DBNDD1: variants seen among roughly 807,000 people sequenced by gnomAD.
The protein encoded by DBNDD1 is dysbindin domain containing 1, also known as dysbindin domain-containing protein 1.
A neutral mutation model predicts 17.0 loss-of-function variants in DBNDD1; 14 were observed. That is an observed-to-expected ratio of 0.82 (90% CI 0.54 to 1.29). The LOEUF (loss-of-function observed/expected upper bound fraction) is 1.29. Ranked by LOEUF, DBNDD1 falls within the 50% of genes most tolerant of loss-of-function variation. The pLI is 0.00. For missense variants in DBNDD1, 221 were observed against 216.2 expected (o/e 1.02, Z -0.14); for synonymous variants, 105 against 102.0 (o/e 1.03, Z -0.18).
rs577495776 is a variant in DBNDD1, at chr16:90,006,225, C to T, written c.*110G>A. 1.9e-4 allele frequency: 271 copies of T among 1,408,952 alleles called. No individual in the cohort carries two copies. The highest frequency in any genetic ancestry group is 2.6e-4 in the African/African-American group (18 of 70,538). The allele number at this position is 1,408,952 out of a possible 1,614,324, so 87.3% of individuals were successfully genotyped here. A position where few individuals can be genotyped will look rare whatever the true frequency, so the allele number is the denominator to read the frequency against. On this transcript the variant is annotated 3_prime_UTR_variant, in exon 4 of 4. Coordinates refer to ENST00000002501, the MANE Select transcript of DBNDD1 (RefSeq NM_001042610.3). ...CCCCAGGGTGTGTGTCAGGAGGTGA[C>T]GGCTGGAGCCTCGTGGGCGGGTGAA...
intron 1 of DBNDD1, chr16:90,010,177 A>G (rs1005993003): frequency 3.8e-6 from 3 of 783,216 alleles, no homozygotes; most frequent in Non-Finnish European, 6.1e-6. Context: ...CCCTGAGTAG[A>G]TGGGATTACA....
At chr16:90,009,665 G>A in intron 1 of DBNDD1, 2 of 647,586 alleles carry the variant, frequency 3.1e-6, no homozygotes, top group Non-Finnish European at 2.6e-6. Flanking sequence ...AGTGAACAAG[G>A]AATCTGAGAT....
At position 90,005,699 on chromosome 16, in the gene DBNDD1, G is replaced by C. The variant is rs2035408990; in HGVS notation, c.*636C>G. On this transcript the variant is annotated 3_prime_UTR_variant, in exon 4 of 4. Transcript: ENST00000002501. ...GCAGGGGCCAAGAGAAGCAGGTGCA[G>C]GTCTTAGAGCTGAGCCTTGGGGAGG... is the stretch of plus-strand genomic sequence containing the variant. 1 of 152,764 alleles carries C rather than the reference G, an allele frequency of 6.5e-6. No individual in the cohort carries two copies. The highest frequency in any genetic ancestry group is 2.1e-4 in the South Asian group (1 of 4,842). The allele number at this position is 152,764 out of a possible 1,614,324, so 9.5% of individuals were successfully genotyped here.
intron 1 of DBNDD1, chr16:90,011,739 G>A (rs1368435952): frequency 1.1e-5 from 5 of 448,006 alleles, no homozygotes; most frequent in Non-Finnish European, 2.2e-5. Flanking sequence ...CAAGTTACTG[G>A]TGTCCTGGCC....
At position 90,010,856 on chromosome 16, in the gene DBNDD1, G is replaced by C. The variant is rs118149792; in HGVS notation, c.32-1426C>G. On this transcript the variant is annotated intron_variant, in intron 1 of 3. Transcript: ENST00000002501. Reference sequence around the variant, plus strand: ...AGTCCTGTTAGTCAGAGTCAGGCCTGTCCCTGGGTGCATGCCCCCCTTTGG... The same window carrying C: ...AGTCCTGTTAGTCAGAGTCAGGCCTCTCCCTGGGTGCATGCCCCCCTTTGG... Among the ~76,000 whole-genome samples, 1,236 of 152,358 alleles carry C rather than the reference G, an allele frequency of 8.1e-3. 8 individuals carry two copies. The highest frequency in any genetic ancestry group is 0.013 in the Non-Finnish European group (906 of 68,028).
chr16:90,006,633 C>T (rs1459252133), intron 3 of DBNDD1, 141 bp from the exon 4 acceptor site: 2 of 1,122,570 alleles, frequency 1.8e-6, no homozygotes, highest in East Asian at 2.6e-5. Flanking sequence ...CACACATCTA[C>T]CTCTAACGGG....
chr16:90,014,928 C>T (rs2035614579), intron 1 of DBNDD1, among the ~76,000 whole-genome samples: 2 of 151,354 alleles, frequency 1.3e-5, no homozygotes, highest in Non-Finnish European at 2.9e-5. Context: ...TCGCTTGAAC[C>T]TAGGAGGTGG....
At chr16:90,010,159 C>T (rs1272586896) in intron 1 of DBNDD1, 15 of 946,572 alleles carry the variant, frequency 1.6e-5, no homozygotes, top group African/African-American at 3.3e-5. Flanking sequence ...GATTCTCCTG[C>T]CTCATCCCCC....
chr16:90,015,775 G>A (rs1246983906), intron 1 of DBNDD1, among the ~76,000 whole-genome samples: 5 of 152,038 alleles, frequency 3.3e-5, no homozygotes, highest in Admixed American at 6.6e-5. Context: ...GCTGTGTGAC[G>A]CCGTTCCTAG....
At chr16:90,008,665 AACACACCTCCCAG>A (rs2035486199) in intron 3 of DBNDD1, 106 bp downstream of exon 3, 1 of 669,792 alleles carries the variant, frequency 1.5e-6, no homozygotes, top group African/African-American at 2.0e-5. Flanking sequence ...TCACCCCCCA[AACACACCTCCCAG>A]GACGTCCCAA....
chr16:90,009,245 G>C (rs1435203358), intron 2 of DBNDD1, 39 bp downstream of exon 2: 2 of 1,607,240 alleles, frequency 1.2e-6, no homozygotes, highest in African/African-American at 1.3e-5. Context: ...GAGCTCACGG[G>C]GTCCCCATAG....
intron 1 of DBNDD1, chr16:90,011,800 A>G (rs1375781043): frequency 2.6e-6 from 1 of 388,060 alleles, no homozygotes; most frequent in Admixed American, 2.8e-5. Flanking sequence ...CACAGGGGAC[A>G]GGGGGTGAGA....
chr16:90,019,383 T>C lies in DBNDD1; in HGVS notation c.-42A>G. On this transcript the variant is annotated 5_prime_UTR_variant, in exon 1 of 4. Coordinates refer to ENST00000002501, the MANE Select transcript of DBNDD1 (RefSeq NM_001042610.3). This position sits in a 1 kb window ranked among gnomAD's most constrained non-coding sequence, Gnocchi z 6.1. ...GGGAGGGGCACGGGCGACGGCGGCG[T>C]CGCCTGGCCCGGGCGCCCCAACAGC... 6 of 1,143,952 alleles carry C rather than the reference T, an allele frequency of 5.2e-6. No homozygotes were observed. Among genetic ancestry groups the C allele is most frequent in the Non-Finnish European group, 5.4e-6 (5 of 928,726 alleles). 70.9% of individuals were successfully genotyped at this position (1,143,952 alleles called of 1,614,324 possible).
rs1269123196 is a variant in DBNDD1 at position 90,008,060 on chromosome 16, A to C, written c.319+724T>G. On this transcript the variant is annotated intron_variant, in intron 3 of 3. Transcript: ENST00000002501. ...CAAGGGGCCTCAGCCCACCACACAC[A>C]CCTCCCAGGACGTCCCAAGGGGCCT... Among the ~76,000 whole-genome samples the C allele has an allele frequency of 3.8e-4, 42 of 109,488 alleles. 5 individuals carry two copies. Among genetic ancestry groups the C allele is most frequent in the East Asian group, 1.9e-3 (5 of 2,664 alleles). The allele number at this position is 109,488 out of a possible 152,430, so 71.8% of individuals were successfully genotyped here.
intron 1 of DBNDD1, among the ~76,000 whole-genome samples, chr16:90,013,262 T>TAAAAAAAAAAAAAAAAGAAAA (rs2035586928): frequency 2.0e-5 from 1 of 49,182 alleles, no homozygotes; most frequent in Non-Finnish European, 4.4e-5. Context: ...AACCTTGCCT[T>TAAAAAAAAAAAAAAAAGAAAA]AAAAAAAAAA....
At chr16:90,019,724 T>G, upstream of DBNDD1, 1 of 636,988 alleles carries the variant, frequency 1.6e-6, no homozygotes, top group Non-Finnish European at 2.8e-6. This position sits in a 1 kb window ranked among gnomAD's most constrained non-coding sequence, Gnocchi z 6.1. Flanking sequence ...TCCTGCGCAC[T>G]CACTTGGCGG....
At chr16:90,017,598 A>G (rs1355575834) in intron 1 of DBNDD1, among the ~76,000 whole-genome samples, 1 of 152,210 alleles carries the variant, frequency 6.6e-6, no homozygotes, top group Admixed American at 6.5e-5. Flanking sequence ...GGTTGGTGGT[A>G]GTCTGGAGAG....
chr16:90,008,017 ACACC>A (rs1329884524), intron 3 of DBNDD1, among the ~76,000 whole-genome samples: 79 of 92,702 alleles, frequency 8.5e-4, no homozygotes, highest in South Asian at 1.8e-3. Context: ...CCCCCCAAAC[ACACC>A]TCCCAGGACG....
chr16:90,010,622 C>T (rs2035537506), intron 1 of DBNDD1, among the ~76,000 whole-genome samples: 1 of 151,868 alleles, frequency 6.6e-6, no homozygotes, highest in African/African-American at 2.4e-5. Context: ...AGCCACCGTG[C>T]CTGGCCCAAC....
Sources: allele counts gnomAD v4.1 joint callset (sites outside exome capture counted in the v4.1 genomes callset), GRCh38; gene constraint gnomAD v4.1.1; non-coding constraint Gnocchi (gnomAD v3.1); transcripts MANE v1.5; gene names NCBI Gene and HGNC (gene_info 2026-07-23, HGNC 2026-07-21).